The following PUS1 variants were observed in gnomAD, a reference collection of about 807,000 sequenced individuals.
PUS1 encodes the protein pseudouridine synthase 1, also known as pseudouridylate synthase 1 homolog.
Under a neutral mutation model 38.5 loss-of-function variants are expected in PUS1, and 25 were observed. The observed-to-expected ratio is 0.65, with a 90% CI of 0.47 to 0.91. The LOEUF is 0.91. PUS1 is among the 40% of genes least tolerant of loss of function. The pLI is 0.00. For missense variants in PUS1, 597 were observed against 612.3 expected (o/e 0.97, Z 0.26); for synonymous variants, 282 against 260.4 (o/e 1.08, Z -0.80).
intron 3 of PUS1, among the ~76,000 whole-genome samples, chr12:131,937,993 A>G (rs751839963): frequency 6.6e-6 from 1 of 152,074 alleles, no homozygotes; most frequent in African/African-American, 2.4e-5. Flanking sequence ...ATCATCTAAC[A>G]TGTCCAAAGT....
At position 131,939,154 on chromosome 12, in the gene PUS1, C is replaced by T. The variant is rs746412790; in HGVS notation, c.442-19C>T. The T allele has an allele frequency of 4.6e-5, 71 of 1,529,012 alleles. No homozygotes were observed. Among genetic ancestry groups the T allele is most frequent in the Admixed American group, 9.7e-5 (5 of 51,364 alleles). 94.7% of individuals were successfully genotyped at this position (1,529,012 alleles called of 1,614,324 possible). A position where few individuals can be genotyped will look rare whatever the true frequency, so the allele number is the denominator to read the frequency against. ...CCCAAGGGACCCACCTTCCGTCACC[C>T]GTTCTGCTTTGTTTACAGGGTGTGT... On this transcript the variant is annotated intron_variant, in intron 3 of 5. Coordinates refer to ENST00000376649, the MANE Select transcript of PUS1 (RefSeq NM_025215.6).
intron 3 of PUS1, among the ~76,000 whole-genome samples, chr12:131,938,640 C>T (rs1280408266): frequency 1.3e-5 from 2 of 152,066 alleles, no homozygotes; most frequent in Non-Finnish European, 2.9e-5. Flanking sequence ...CAGGTGGGGA[C>T]CCCTTCCTCA....
intron 2 of PUS1, among the ~76,000 whole-genome samples, chr12:131,930,755 C>G (rs912586970): frequency 6.6e-6 from 1 of 152,048 alleles, no homozygotes; most frequent in Admixed American, 6.6e-5. Context: ...TCCCGAACAT[C>G]GAGGGCTGTA....
intron 3 of PUS1, 21 bp from the exon 4 acceptor site, chr12:131,939,152 C>G (rs1488841642): frequency 2.6e-6 from 4 of 1,525,922 alleles, no homozygotes; most frequent in Non-Finnish European, 3.6e-6. Context: ...CCTTCCGTCA[C>G]CCGTTCTGCT....
rs1891038623 is a variant in PUS1, at chr12:131,941,067, T to TTCAG, written c.545-221_545-218dup. The TTCAG allele has an allele frequency of 1.8e-6, 1 of 571,286 alleles. No individual in the cohort carries two copies. The highest frequency in any genetic ancestry group is 3.0e-5 in the Admixed American group (1 of 33,248). The allele number at this position is 571,286 out of a possible 1,614,324, so 35.4% of individuals were successfully genotyped here. A position where few individuals can be genotyped will look rare whatever the true frequency, so the allele number is the denominator to read the frequency against. On this transcript the variant is annotated intron_variant, in intron 4 of 5. Coordinates refer to ENST00000376649, the MANE Select transcript of PUS1 (RefSeq NM_025215.6). The surrounding 1 kb of genome is among the most constrained non-coding windows in gnomAD (Gnocchi z 4.4). ...GAAAATTACAATAAATGGTTGTAAA[T>TTCAG]TCAGTCACCTTATAGAGCACTGCAC... is the stretch of plus-strand genomic sequence containing the variant.
At chr12:131,930,756 G>A (rs1461285214) in intron 2 of PUS1, among the ~76,000 whole-genome samples, 2 of 151,636 alleles carry the variant, frequency 1.3e-5, no homozygotes, top group East Asian at 3.9e-4. Context: ...CCCGAACATC[G>A]AGGGCTGTAA....
rs80287264 is a variant in PUS1, at chr12:131,933,938, A to T, written c.441+1626A>T. ...TATTTATTGTATACAAGGCAAGGGGACAGGGTAAGGAGCGTGTGTCATCTC... is the reference window on the plus strand; with the variant it reads ...TATTTATTGTATACAAGGCAAGGGGTCAGGGTAAGGAGCGTGTGTCATCTC... On this transcript the variant is annotated intron_variant, in intron 3 of 5. Transcript: ENST00000376649. 5.3e-5 allele frequency among the ~76,000 whole-genome samples: 8 copies of T among 152,342 alleles called. No individual in the cohort carries two copies. The East Asian group carries it at 1.5e-3, about 29-fold the overall frequency.
chr12:131,942,277 C>T (rs1391426421), intron 5 of PUS1, among the ~76,000 whole-genome samples: 2 of 152,178 alleles, frequency 1.3e-5, no homozygotes, highest in Non-Finnish European at 2.9e-5. Flanking sequence ...TAGACAGCTG[C>T]GGAATGTAGC....
Position 131,929,990 on chromosome 12 carries a change from C to T in PUS1, c.158C>T (p.Ala53Val), listed in dbSNP as rs751332234. Residue 53 changes from alanine to valine, a missense_variant, in exon 2 of 6, where the codon GCC (alanine) becomes GTC (valine). Transcript: ENST00000376649. The stretch of plus-strand genomic sequence containing the variant: ...GACCGGAGGTCCTGCAGCGGCCGGG[C>T]CGGGGGCGACCGCGTCTGGGAGGAC... ...PQDRRSCSGRAGGDRVWEDGE... is the reference protein window; with the variant it reads ...PQDRRSCSGRVGGDRVWEDGE... The T allele has an allele frequency of 6.7e-7, 1 of 1,483,580 alleles. No homozygotes were observed. Among genetic ancestry groups the T allele is most frequent in the Non-Finnish European group, 8.9e-7 (1 of 1,127,666 alleles). The allele number at this position is 1,483,580 out of a possible 1,614,324, so 91.9% of individuals were successfully genotyped here.
At chr12:131,942,106 A>G in intron 5 of PUS1, 123 bp downstream of exon 5, 1 of 930,664 alleles carries the variant, frequency 1.1e-6, no homozygotes, top group Non-Finnish European at 1.7e-6. Flanking sequence ...CAGCTGCTGC[A>G]GGAGCAGGGG....
intron 2 of PUS1, 136 bp downstream of exon 2, chr12:131,930,271 C>T (rs1890541818): frequency 2.1e-6 from 1 of 475,072 alleles, no homozygotes; most frequent in East Asian, 3.5e-5. Context: ...GATTTAGGTG[C>T]AGGCCCAAGC....
At chr12:131,931,839 C>T (rs2136431774) in intron 2 of PUS1, 1 of 488,614 alleles carries the variant, frequency 2.0e-6, no homozygotes. Flanking sequence ...CCATAGATTA[C>T]TTTATAGTCA....
At chr12:131,936,180 C>CAG (rs1890822417) in intron 3 of PUS1, among the ~76,000 whole-genome samples, 1 of 150,256 alleles carries the variant, frequency 6.7e-6, no homozygotes, top group East Asian at 2.0e-4. Flanking sequence ...CACTGCACTG[C>CAG]AGCCCGGGTG....
At chr12:131,939,146 C>G in intron 3 of PUS1, 27 bp from the exon 4 acceptor site, 1 of 1,496,394 alleles carries the variant, frequency 6.7e-7, no homozygotes, top group Non-Finnish European at 9.1e-7. Context: ...GACCCACCTT[C>G]CGTCACCCGT....
chr12:131,930,279 A>G (rs1890542227), intron 2 of PUS1, 144 bp downstream of exon 2: 2 of 465,686 alleles, frequency 4.3e-6, no homozygotes, highest in Non-Finnish European at 7.2e-6. Flanking sequence ...TGCAGGCCCA[A>G]GCAGCTTTCA....
intron 3 of PUS1, among the ~76,000 whole-genome samples, chr12:131,933,847 G>A (rs1486281269): frequency 6.6e-6 from 1 of 152,188 alleles, no homozygotes; most frequent in Non-Finnish European, 1.5e-5. Flanking sequence ...AGACAGCTGG[G>A]TCCAGGGGAC....
At chr12:131,942,897 G>A (rs532148338) in intron 5 of PUS1, among the ~76,000 whole-genome samples, 19 of 152,352 alleles carry the variant, frequency 1.2e-4, no homozygotes, top group African/African-American at 3.8e-4. Flanking sequence ...GGCACCTGGC[G>A]AGCCGTCCTA....
intron 3 of PUS1, among the ~76,000 whole-genome samples, chr12:131,935,469 G>C (rs1439372310): frequency 6.6e-6 from 1 of 152,138 alleles, no homozygotes; most frequent in African/African-American, 2.4e-5. Flanking sequence ...AGGCCGGCAC[G>C]GTCACACCCG....
chr12:131,932,652 A>T, intron 3 of PUS1: 1 of 451,030 alleles, frequency 2.2e-6, no homozygotes, highest in South Asian at 2.0e-5. Context: ...AGGCAGATGT[A>T]ATTGTGTGGC....
Sources: allele counts gnomAD v4.1 joint callset (sites outside exome capture counted in the v4.1 genomes callset), GRCh38; gene constraint gnomAD v4.1.1; non-coding constraint Gnocchi (gnomAD v3.1); transcripts MANE v1.5; gene names NCBI Gene and HGNC (gene_info 2026-07-23, HGNC 2026-07-21).